The following RBAK variants were observed in gnomAD, a reference collection of about 807,000 sequenced individuals.
RBAK encodes the protein RB associated KRAB zinc finger.
RBAK carries 39 observed loss-of-function variants against 65.8 expected under a neutral mutation model. The observed-to-expected ratio is 0.59, with a 90% confidence interval of 0.46 to 0.77. RBAK has a LOEUF of 0.77. RBAK is among the 30% of genes least tolerant of loss of function. The probability of loss-of-function intolerance (pLI) is 0.00; values close to 1 mark genes in which losing one functional copy is unlikely to be tolerated. For missense variants in RBAK, 884 were observed against 855.1 expected, an observed-to-expected ratio of 1.03 and a Z score of -0.42; for synonymous variants, 343 against 289.7, an observed-to-expected ratio of 1.18 and a Z score of -1.87.
In RBAK at chr7:5,064,491, C is replaced by T. The variant is rs745622570; in HGVS notation, c.1035C>T (p.Tyr345=). The change falls in exon 5 of 5, where the codon TAC becomes TAT. Residue 345 remains tyrosine (Y), a synonymous_variant. Transcript: ENST00000396912. The surrounding 1 kb of genome is among the most constrained non-coding windows in gnomAD (Gnocchi z 6.3). ...GAACTCATTCAGGAGAGAAACCCTACGAATGTAGCGAATGTGGGAAAACCT... is the reference window on the plus strand; with the variant it reads ...GAACTCATTCAGGAGAGAAACCCTATGAATGTAGCGAATGTGGGAAAACCT... ...HLRTHSGEKP[Y]ECSECGKTFC... is the part of the protein sequence containing the mutation. The T allele has an allele frequency of 1.7e-5, 27 of 1,613,554 alleles. No homozygotes were observed. Among genetic ancestry groups the T allele is most frequent in the East Asian group, 2.2e-5 (1 of 44,870 alleles).
rs1423279921 is a variant in RBAK at position 5,068,583 on chromosome 7, A to G, written c.*2982A>G. 1 of 152,224 alleles carries G rather than the reference A, an allele frequency of 6.6e-6. No homozygotes were observed. Among genetic ancestry groups the G allele is most frequent in the Admixed American group, 6.5e-5 (1 of 15,288 alleles). 9.4% of individuals were successfully genotyped at this position (152,224 alleles called of 1,614,324 possible). ...CATGAAAAAGCATCACGTTTTGGCA[A>G]GGATGTAAGCAAGAGGAACTGTACA... On this transcript the variant is annotated 3_prime_UTR_variant, in exon 5 of 5. Coordinates refer to ENST00000396912, the MANE Select transcript of RBAK (RefSeq NM_021163.4).
rs1273295590 is a variant in RBAK at position 5,069,111 on chromosome 7, A to G, written c.*3510A>G. The G allele has an allele frequency of 6.6e-6, 1 of 152,216 alleles. No individual in the cohort carries two copies. Among genetic ancestry groups the G allele is most frequent in the Non-Finnish European group, 1.5e-5 (1 of 68,044 alleles). The allele number at this position is 152,216 out of a possible 1,614,324, so 9.4% of individuals were successfully genotyped here. ...GTGTGTTTTGAGCTGTGCACTTAAG[A>G]TATGTGTATTTTTCTGCATGTGTGT... On this transcript the variant is annotated 3_prime_UTR_variant, in exon 5 of 5. Transcript: ENST00000396912.
chr7:5,060,662 A>G (rs1295379100), intron 4 of RBAK, among the ~76,000 whole-genome samples: 1 of 152,264 alleles, frequency 6.6e-6, no homozygotes, highest in African/African-American at 2.4e-5. Flanking sequence ...TCACGAGTAC[A>G]GACTTGTGGC....
Position 5,064,123 on chromosome 7 carries a change from C to T in RBAK, c.667C>T (p.His223Tyr). 6.2e-7 allele frequency: 1 copy of T among 1,613,880 alleles called. No homozygotes were observed. Among genetic ancestry groups the T allele is most frequent in the Non-Finnish European group, 8.5e-7 (1 of 1,179,994 alleles). ...AGACAATGAGGCTGTTTTTATTGCTCATAAGAGAGCTTACATAGGGGAGAA... is the reference window on the plus strand; with the variant it reads ...AGACAATGAGGCTGTTTTTATTGCTTATAAGAGAGCTTACATAGGGGAGAA... ...ALDNEAVFIA[H>Y]KRAYIGEKPY... Residue 223 changes from histidine to tyrosine, a missense_variant, in exon 5 of 5, where the codon CAT becomes TAT. Physicochemically the swap from His to Tyr is moderately conservative, Grantham distance 83 (BLOSUM62 2). Transcript: ENST00000396912. This position sits in a 1 kb window ranked among gnomAD's most constrained non-coding sequence, Gnocchi z 6.3.
At chr7:5,058,797 C>G (rs1357235228) in intron 4 of RBAK, among the ~76,000 whole-genome samples, 1 of 152,174 alleles carries the variant, frequency 6.6e-6, no homozygotes, top group Non-Finnish European at 1.5e-5. Context: ...TCAGGACTGT[C>G]CCCCTAGGAC....
At chr7:5,057,624 A>G in intron 3 of RBAK, 60 bp from the exon 4 acceptor site, 1 of 1,606,144 alleles carries the variant, frequency 6.2e-7, no homozygotes, top group East Asian at 2.2e-5. Context: ...AACATCTTGT[A>G]CTTCAGAGAT....
chr7:5,063,027 A>G (rs1293049393), intron 4 of RBAK, among the ~76,000 whole-genome samples: 2 of 152,208 alleles, frequency 1.3e-5, no homozygotes, highest in Non-Finnish European at 2.9e-5. Context: ...CTGAGGCGAC[A>G]TACATCCTCC....
At chr7:5,049,754 T>TG (rs1788074857) in intron 2 of RBAK, among the ~76,000 whole-genome samples, 1 of 152,104 alleles carries the variant, frequency 6.6e-6, no homozygotes, top group Non-Finnish European at 1.5e-5. Context: ...GATAGGGTCT[T>TG]GCTGTGTCAC....
At chr7:5,050,434 C>T (rs1445526664) in intron 2 of RBAK, among the ~76,000 whole-genome samples, 10 of 152,168 alleles carry the variant, frequency 6.6e-5, no homozygotes, top group Admixed American at 3.3e-4. Flanking sequence ...TTGTCTACTT[C>T]TGGAGGCATG....
intron 4 of RBAK, among the ~76,000 whole-genome samples, chr7:5,061,076 AT>A (rs1253341295): frequency 2.0e-5 from 3 of 152,270 alleles, no homozygotes; most frequent in African/African-American, 7.2e-5. Flanking sequence ...GTTTTAGGAA[AT>A]TTAAGTCAGC....
Position 5,060,396 on chromosome 7 carries a change from A to T in RBAK, c.238+2617A>T, listed in dbSNP as rs192678858. 2.2e-4 allele frequency among the ~76,000 whole-genome samples: 34 copies of T among 152,338 alleles called. No individual in the cohort carries two copies. In the East Asian group the frequency reaches 5.2e-3, roughly 23 times the overall value. On this transcript the variant is annotated intron_variant, in intron 4 of 4. Coordinates refer to ENST00000396912, the MANE Select transcript of RBAK (RefSeq NM_021163.4). ...CTATTCAGAGAGATTCAAAGAAAAT[A>T]TGAATATTTTCCAAGGGCATAGGTT...
rs1323056925 is a variant in RBAK at position 5,067,171 on chromosome 7, C to T, written c.*1570C>T. 1.3e-5 allele frequency: 2 copies of T among 152,050 alleles called. No homozygotes were observed. Among genetic ancestry groups the T allele is most frequent in the Non-Finnish European group, 2.9e-5 (2 of 67,984 alleles). 9.4% of individuals were successfully genotyped at this position (152,050 alleles called of 1,614,324 possible). A position where few individuals can be genotyped will look rare whatever the true frequency, so the allele number is the denominator to read the frequency against. On this transcript the variant is annotated 3_prime_UTR_variant, in exon 5 of 5. Coordinates refer to ENST00000396912, the MANE Select transcript of RBAK (RefSeq NM_021163.4). ...ATCTGCTGTCAATGATTTTATTCGG[C>T]ATTGTTCAGAAGGACCTAACCAGAA... is the stretch of plus-strand genomic sequence containing the variant.
Position 5,064,269 on chromosome 7 carries a change from TA to T in RBAK, c.818del (p.Lys273SerfsTer40). The T allele has an allele frequency of 1.2e-6, 2 of 1,614,024 alleles. No individual in the cohort carries two copies. The highest frequency in any genetic ancestry group is 1.7e-6 in the Non-Finnish European group (2 of 1,179,972). On this transcript the variant is annotated frameshift_variant, in exon 5 of 5. Transcript: ENST00000396912. LOFTEE classifies it high-confidence loss of function. The surrounding 1 kb of genome is among the most constrained non-coding windows in gnomAD (Gnocchi z 6.3). ...GCAGTGAATGTGGAAAATCCTTCTG[TA>T]AAAAGTCAAAATTCATCATCCACCA... ...ECSECGKSFC[K>X]KSKFIIHQRA...
chr7:5,067,253 T>C lies in RBAK; in HGVS notation c.*1652T>C, dbSNP rs560811959. 33 of 152,230 alleles carry C rather than the reference T, an allele frequency of 2.2e-4. No homozygotes were observed. Among genetic ancestry groups the C allele is most frequent in the African/African-American group, 7.9e-4 (33 of 41,570 alleles). 9.4% of individuals were successfully genotyped at this position (152,230 alleles called of 1,614,324 possible). A position where few individuals can be genotyped will look rare whatever the true frequency, so the allele number is the denominator to read the frequency against. On this transcript the variant is annotated 3_prime_UTR_variant, in exon 5 of 5. Transcript: ENST00000396912. ...AGAGATTAGAAAAGAAGTAAAACTTTAAAAACGAAAAAGAATATAAATCTC... is the reference window on the plus strand; with the variant it reads ...AGAGATTAGAAAAGAAGTAAAACTTCAAAAACGAAAAAGAATATAAATCTC...
At position 5,057,277 on chromosome 7, in the gene RBAK, A is replaced by C. The variant is rs748063750; in HGVS notation, c.16-18A>C. The C allele has an allele frequency of 5.0e-6, 8 of 1,613,924 alleles. No individual in the cohort carries two copies. The highest frequency in any genetic ancestry group is 5.1e-6 in the Non-Finnish European group (6 of 1,179,982). On this transcript the variant is annotated intron_variant, in intron 2 of 4. Transcript: ENST00000396912. Reference sequence around the variant, plus strand: ...CCCTTTTCCGTATCTCCCAATTCTGATCATGTTGCCATTACAGGGGCCAGT... The same window carrying C: ...CCCTTTTCCGTATCTCCCAATTCTGCTCATGTTGCCATTACAGGGGCCAGT...
chr7:5,062,399 A>C (rs59752590), intron 4 of RBAK, among the ~76,000 whole-genome samples: 5 of 152,196 alleles, frequency 3.3e-5, no homozygotes, highest in African/African-American at 7.2e-5. Context: ...AAAACCAGCA[A>C]GTTTTTATTA....
rs772109581 is a variant in RBAK at position 5,063,903 on chromosome 7, A to C, written c.447A>C (p.Gln149His). 6.2e-7 allele frequency: 1 copy of C among 1,614,036 alleles called. No homozygotes were observed. The highest frequency in any genetic ancestry group is 8.5e-7 in the Non-Finnish European group (1 of 1,179,936). ...GAAAGAATTTAGAATCTATTTCGCA[A>C]TTAATTAGTAGTGATGGAAGCTATG... ...SCGKNLESISQLISSDGSYAR... is the reference protein window; with the variant it reads ...SCGKNLESISHLISSDGSYAR... The change falls in exon 5 of 5, where the codon CAA (glutamine) becomes CAC (histidine). Residue 149 changes from glutamine to histidine, a missense_variant. Coordinates refer to ENST00000396912, the MANE Select transcript of RBAK (RefSeq NM_021163.4).
intron 4 of RBAK, among the ~76,000 whole-genome samples, chr7:5,061,570 C>T (rs1407224789): frequency 1.3e-5 from 2 of 150,268 alleles, no homozygotes; most frequent in Admixed American, 6.6e-5. Flanking sequence ...GGATTACAGG[C>T]ATGAGCCACC....
intron 4 of RBAK, among the ~76,000 whole-genome samples, 190 bp from the exon 5 acceptor site, chr7:5,063,505 G>GTGTGTGTGTA (rs1554282807): frequency 7.0e-6 from 1 of 142,324 alleles, no homozygotes; most frequent in African/African-American, 2.5e-5. Flanking sequence ...GTGTGTGTGT[G>GTGTGTGTGTA]TGTGTGTGTT....
Sources: allele counts gnomAD v4.1 joint callset (sites outside exome capture counted in the v4.1 genomes callset), GRCh38; gene constraint gnomAD v4.1.1; non-coding constraint Gnocchi (gnomAD v3.1); transcripts MANE v1.5; gene names NCBI Gene and HGNC (gene_info 2026-07-23, HGNC 2026-07-21).